Variants in CKAP5 observed in about 807,000 individuals in gnomAD.
CKAP5 encodes the protein cytoskeleton-associated protein 5.
A neutral mutation model predicts 232.8 loss-of-function variants in CKAP5; 27 were observed. That is an observed-to-expected ratio of 0.12 (90% CI 0.09 to 0.16). CKAP5 has a LOEUF of 0.16. Ranked by LOEUF, CKAP5 falls within the 10% of genes least tolerant of loss-of-function variation. The pLI, the probability that CKAP5 is intolerant of heterozygous loss-of-function variation, is 1.00. For synonymous variants in CKAP5, 785 were observed against 841.1 expected, an observed-to-expected ratio of 0.93 and a Z score of 1.16; for missense variants, 1,838 against 2,424.7, an observed-to-expected ratio of 0.76 and a Z score of 5.08.
intron 1 of CKAP5, among the ~76,000 whole-genome samples, chr11:46,837,331 C>G (rs939237455): frequency 6.6e-6 from 1 of 152,048 alleles, no homozygotes; most frequent in South Asian, 2.1e-4. Flanking sequence ...GTTTTTCCCC[C>G]CCGCCCATAC....
At chr11:46,748,990 C>T (rs1329768765) in intron 42 of CKAP5, among the ~76,000 whole-genome samples, 3 of 151,350 alleles carry the variant, frequency 2.0e-5, no homozygotes, top group African/African-American at 7.3e-5. Flanking sequence ...CGCCACCACA[C>T]CCAACTAATT....
chr11:46,797,996 GC>G (rs1274731264), intron 10 of CKAP5, 27 bp from the exon 11 acceptor site: 11 of 1,607,404 alleles, frequency 6.8e-6, no homozygotes, highest in Non-Finnish European at 9.3e-6. Context: ...TGGTTAATGA[GC>G]TTTTTTCAAT....
chr11:46,819,140 G>A (rs994980771), intron 2 of CKAP5, among the ~76,000 whole-genome samples: 1 of 152,150 alleles, frequency 6.6e-6, no homozygotes, highest in South Asian at 2.1e-4. Context: ...TGCTATGAAA[G>A]TATATATTAT....
intron 12 of CKAP5, 72 bp from the exon 13 acceptor site, chr11:46,795,848 TA>T: frequency 1.6e-6 from 2 of 1,285,118 alleles, no homozygotes; most frequent in East Asian, 2.3e-5. Flanking sequence ...ATTACATTTC[TA>T]AACCACAACT....
At chr11:46,764,309 A>G (rs1186352639) in intron 28 of CKAP5, among the ~76,000 whole-genome samples, 2 of 152,200 alleles carry the variant, frequency 1.3e-5, no homozygotes, top group African/African-American at 4.8e-5. Flanking sequence ...GTGTACAAAG[A>G]CCTACATTCA....
At chr11:46,842,916 G>A (rs966745261) in intron 1 of CKAP5, among the ~76,000 whole-genome samples, 6 of 141,012 alleles carry the variant, frequency 4.3e-5, no homozygotes, top group East Asian at 4.2e-4. Flanking sequence ...GCAGTGAGCC[G>A]AGATCGCGCC....
chr11:46,763,230 T>C, intron 29 of CKAP5, 51 bp from the exon 30 acceptor site: 1 of 1,378,646 alleles, frequency 7.3e-7, no homozygotes, highest in South Asian at 1.3e-5. Context: ...ATCAAAATCT[T>C]AATTCTACTA....
intron 1 of CKAP5, among the ~76,000 whole-genome samples, chr11:46,845,602 T>C (rs909902793): frequency 3.9e-5 from 6 of 152,118 alleles, no homozygotes; most frequent in African/African-American, 1.2e-4. Context: ...CTGGCTATTG[T>C]ATTGGTTCCC....
rs1004323133 is a variant in CKAP5 at position 46,839,608 on chromosome 11, C to T, written c.-38+6612G>A. On this transcript the variant is annotated intron_variant, in intron 1 of 43. Transcript: ENST00000529230. ...TGTCATTCATATTTCATCACATCTC[C>T]GATAGAAGTACTTTTTTAAAAGGGG... is the stretch of plus-strand genomic sequence containing the variant. Among the ~76,000 whole-genome samples, 9 of 152,188 alleles carry T rather than the reference C, an allele frequency of 5.9e-5. No homozygotes were observed. The East Asian group carries it at 1.4e-3, about 23-fold the overall frequency.
chr11:46,813,146 C>T (rs1466876198), intron 4 of CKAP5, among the ~76,000 whole-genome samples: 2 of 151,926 alleles, frequency 1.3e-5, no homozygotes, highest in African/African-American at 4.8e-5. Context: ...AGTTTAAGTA[C>T]AAATATCATG....
At chr11:46,759,493 A>C (rs2065138742) in intron 33 of CKAP5, 51 bp from the exon 34 acceptor site, 1 of 1,552,296 alleles carries the variant, frequency 6.4e-7, no homozygotes, top group African/African-American at 1.4e-5. Flanking sequence ...TCTTAACCAA[A>C]GGGCAAGAGT....
At chr11:46,827,456 C>T (rs1939681555) in intron 1 of CKAP5, among the ~76,000 whole-genome samples, 1 of 151,826 alleles carries the variant, frequency 6.6e-6, no homozygotes, top group Non-Finnish European at 1.5e-5. Context: ...AAAGTGAGAC[C>T]CCATCTCTAC....
At chr11:46,766,116 A>G (rs1165191105) in intron 27 of CKAP5, among the ~76,000 whole-genome samples, 1 of 152,226 alleles carries the variant, frequency 6.6e-6, no homozygotes, top group Non-Finnish European at 1.5e-5. Flanking sequence ...ACACATATTT[A>G]AGGTAAAATT....
chr11:46,805,866 G>A (rs1184254444), intron 8 of CKAP5, among the ~76,000 whole-genome samples: 3 of 152,182 alleles, frequency 2.0e-5, no homozygotes, highest in African/African-American at 7.2e-5. Flanking sequence ...GAACACGGGA[G>A]GCAGAGGTTG....
chr11:46,758,935 T>C lies in CKAP5; in HGVS notation c.4677A>G (p.Gln1559=). Residue 1559 remains glutamine, a synonymous_variant, in exon 35 of 44, where the codon CAA becomes CAG. Transcript: ENST00000529230. The part of the protein sequence containing the change: ...VASGDINTSI[Q]ALTQIDEVLR... ...GCACACCCATTACCTGTGTCAGAGC[T>C]TGGATACTTGTGTTGATGTCACCAC... 1 of 1,613,950 alleles carries C rather than the reference T, an allele frequency of 6.2e-7. No homozygotes were observed. The highest frequency in any genetic ancestry group is 8.5e-7 in the Non-Finnish European group (1 of 1,179,986).
chr11:46,771,402 G>C lies in CKAP5; in HGVS notation c.2992-420C>G, dbSNP rs1198530210. Among the ~76,000 whole-genome samples, 4 of 152,070 alleles carry C rather than the reference G, an allele frequency of 2.6e-5. No individual in the cohort carries two copies. The East Asian group carries it at 7.7e-4, about 29-fold the overall frequency. On this transcript the variant is annotated intron_variant, in intron 24 of 43. Coordinates refer to ENST00000529230, the MANE Select transcript of CKAP5 (RefSeq NM_001008938.4). ...TTTTCTTCTCTATATCCCTAAAATA[G>C]TTCATATTTGTATTTTTCATTTTTG... is the stretch of plus-strand genomic sequence containing the variant.
chr11:46,744,694 A>G (rs1390678881), intron 42 of CKAP5, 117 bp from the exon 43 acceptor site: 1 of 933,588 alleles, frequency 1.1e-6, no homozygotes, highest in South Asian at 1.7e-5. Context: ...TGAAAACGAC[A>G]AATTCCACAA....
intron 38 of CKAP5, among the ~76,000 whole-genome samples, chr11:46,752,328 A>T (rs1015806077): frequency 1.3e-5 from 2 of 149,338 alleles, no homozygotes; most frequent in Non-Finnish European, 3.0e-5. Flanking sequence ...CCATATATAT[A>T]TTTTTTAAGA....
At chr11:46,761,908 T>G in intron 32 of CKAP5, 92 bp downstream of exon 32, 1 of 1,023,038 alleles carries the variant, frequency 9.8e-7, no homozygotes, top group Non-Finnish European at 1.5e-6. Flanking sequence ...AGTAAAAACT[T>G]AGCTACAGTT....
Sources: allele counts gnomAD v4.1 joint callset (sites outside exome capture counted in the v4.1 genomes callset), GRCh38; gene constraint gnomAD v4.1.1; transcripts MANE v1.5; gene names NCBI Gene and HGNC (gene_info 2026-07-23, HGNC 2026-07-21).